The following AUTS2 variants were observed in gnomAD, a reference collection of about 807,000 sequenced individuals.
AUTS2 encodes the protein autism susceptibility gene 2 protein.
Under a neutral mutation model 112.4 loss-of-function variants are expected in AUTS2, and 17 were observed. That is an observed-to-expected ratio of 0.15 (90% CI 0.10 to 0.23). AUTS2 has a LOEUF of 0.23. AUTS2 is among the 10% of genes least tolerant of loss of function. AUTS2 has a pLI of 1.00. For synonymous variants in AUTS2, 751 were observed against 702.7 expected, an observed-to-expected ratio of 1.07 and a Z score of -1.09; for missense variants, 1,510 against 1,701.6, an observed-to-expected ratio of 0.89 and a Z score of 1.98.
intron 2 of AUTS2, among the ~76,000 whole-genome samples, chr7:69,926,243 G>A (rs767453428): frequency 3.9e-5 from 6 of 152,182 alleles, no homozygotes; most frequent in Non-Finnish European, 7.3e-5. Flanking sequence ...TCTATCAAGA[G>A]AGGTATATTG....
chr7:69,740,044 G>A (rs1296926010), intron 1 of AUTS2, among the ~76,000 whole-genome samples: 1 of 152,194 alleles, frequency 6.6e-6, no homozygotes, highest in African/African-American at 2.4e-5. Flanking sequence ...AATGACGTAG[G>A]AACACAATCA....
intron 1 of AUTS2, among the ~76,000 whole-genome samples, chr7:69,691,278 G>C (rs1250895503): frequency 6.6e-6 from 1 of 152,148 alleles, no homozygotes; most frequent in Non-Finnish European, 1.5e-5. Context: ...TCCCTGGCTT[G>C]AAGTTGGGGT....
chr7:70,342,275 AACT>A (rs1158306865), intron 4 of AUTS2, among the ~76,000 whole-genome samples: 1 of 151,904 alleles, frequency 6.6e-6, no homozygotes, highest in East Asian at 1.9e-4. Flanking sequence ...GTTCATTTTT[AACT>A]GGAAAGGAAA....
In AUTS2 at chr7:70,429,542, C is replaced by T. The variant is rs548397560; in HGVS notation, c.661-6210C>T. Among the ~76,000 whole-genome samples, 6 of 152,284 alleles carry T rather than the reference C, an allele frequency of 3.9e-5. No homozygotes were observed. In the South Asian group the frequency reaches 6.2e-4, roughly 16 times the overall value. ...GGTGGCATGACTGAGCGTGAGTGGGCGTGGTTGAAGCAAGGTATGTTAGGA... is the reference window on the plus strand; with the variant it reads ...GGTGGCATGACTGAGCGTGAGTGGGTGTGGTTGAAGCAAGGTATGTTAGGA... On this transcript the variant is annotated intron_variant, in intron 4 of 18. Coordinates refer to ENST00000342771, the MANE Select transcript of AUTS2 (RefSeq NM_015570.4).
chr7:70,170,772 T>G (rs977072229), intron 4 of AUTS2, among the ~76,000 whole-genome samples: 9 of 152,034 alleles, frequency 5.9e-5, no homozygotes, highest in Admixed American at 5.9e-4. Context: ...CACGCGTGGC[T>G]AATTTTTGTA....
intron 9 of AUTS2, among the ~76,000 whole-genome samples, chr7:70,767,010 G>A (rs1218427855): frequency 6.8e-6 from 1 of 147,634 alleles, no homozygotes; most frequent in African/African-American, 2.5e-5. Flanking sequence ...CAGAACCAGT[G>A]AGGAATTTTT....
chr7:70,512,250 G>C (rs1457064438), intron 5 of AUTS2, among the ~76,000 whole-genome samples: 1 of 152,208 alleles, frequency 6.6e-6, no homozygotes, highest in Non-Finnish European at 1.5e-5. Flanking sequence ...ATATCCATGT[G>C]ATATTAGCCA....
At chr7:70,746,480 A>C (rs1788461897) in intron 6 of AUTS2, among the ~76,000 whole-genome samples, 1 of 152,236 alleles carries the variant, frequency 6.6e-6, no homozygotes, top group Non-Finnish European at 1.5e-5. Context: ...AAATATGAAC[A>C]TATTTAATCT....
chr7:70,373,031 A>G (rs1792912321), intron 4 of AUTS2, among the ~76,000 whole-genome samples: 1 of 151,998 alleles, frequency 6.6e-6, no homozygotes. Context: ...TTACATTTTA[A>G]TTGGCTTGTA....
chr7:70,173,636 C>G (rs1808827466), intron 4 of AUTS2, among the ~76,000 whole-genome samples: 1 of 152,100 alleles, frequency 6.6e-6, no homozygotes, highest in African/African-American at 2.4e-5. Flanking sequence ...TTGTGTAAAC[C>G]TTACATCAAG....
intron 1 of AUTS2, among the ~76,000 whole-genome samples, chr7:69,873,348 G>A (rs1485822343): frequency 2.6e-5 from 4 of 151,450 alleles, no homozygotes; most frequent in Admixed American, 6.6e-5. Flanking sequence ...GCCCTTATTG[G>A]TATGGTTAAG....
At chr7:70,290,677 C>A in intron 4 of AUTS2, 1 of 1,339,396 alleles carries the variant, frequency 7.5e-7, no homozygotes, top group East Asian at 3.2e-5. Flanking sequence ...CATTCCTCAT[C>A]CCAATTCAGG....
chr7:69,655,781 G>A lies in AUTS2; in HGVS notation c.309+55819G>A, dbSNP rs571416837. ...TGGGGGAGTGTCTCAGGGGAGGGCC[G>A]TGCCTTCCTGGGGACCTGTTTAGGA... On this transcript the variant is annotated intron_variant, in intron 1 of 18. Transcript: ENST00000342771. Among the ~76,000 whole-genome samples the A allele has an allele frequency of 4.6e-4, 70 of 152,236 alleles. 2 individuals are homozygous for A. Among genetic ancestry groups the A allele is most frequent in the African/African-American group, 7.2e-5 (3 of 41,538 alleles).
intron 1 of AUTS2, among the ~76,000 whole-genome samples, chr7:69,643,632 G>A (rs189192850): frequency 2.0e-5 from 3 of 152,028 alleles, no homozygotes; most frequent in African/African-American, 2.4e-5. Context: ...TCTTCTGCCC[G>A]CCAACCCCCC....
At chr7:70,162,219 G>A (rs1292858271) in intron 4 of AUTS2, among the ~76,000 whole-genome samples, 2 of 151,616 alleles carry the variant, frequency 1.3e-5, no homozygotes, top group African/African-American at 4.8e-5. Context: ...GGCCGAGGCG[G>A]GCGGATCACG....
intron 4 of AUTS2, among the ~76,000 whole-genome samples, chr7:70,144,305 A>G (rs958906446): frequency 4.6e-5 from 7 of 152,266 alleles, no homozygotes; most frequent in Middle Eastern, 3.4e-3. Flanking sequence ...GAGACAACAA[A>G]TTTAGTTCTC....
chr7:70,036,518 T>G (rs1214421886), intron 2 of AUTS2, among the ~76,000 whole-genome samples: 1 of 152,268 alleles, frequency 6.6e-6, no homozygotes, highest in Non-Finnish European at 1.5e-5. Flanking sequence ...CTTGGTTTCC[T>G]AGTTTCCCAC....
At chr7:69,928,807 C>T (rs1026635513) in intron 2 of AUTS2, among the ~76,000 whole-genome samples, 27 of 152,074 alleles carry the variant, frequency 1.8e-4, no homozygotes, top group Non-Finnish European at 5.9e-5. Flanking sequence ...GGTTCCTGTC[C>T]CGCCAACTCT....
rs184462468 is a variant in AUTS2, at chr7:70,125,527, A to G, written c.624+7294A>G. ...GGTATTTTCTCTCACAGATGTGCTG[A>G]CTAGTCATCAGGTAGAAACTAGAGG... On this transcript the variant is annotated intron_variant, in intron 3 of 18. Transcript: ENST00000342771. Among the ~76,000 whole-genome samples the G allele has an allele frequency of 2.0e-5, 3 of 152,166 alleles. No homozygotes were observed. The East Asian group carries it at 5.8e-4, about 29-fold the overall frequency.
Sources: gnomAD v4.1 joint callset for allele counts (sites outside exome capture counted in the v4.1 genomes callset) on GRCh38, gnomAD v4.1.1 for gene constraint, MANE v1.5 for transcripts, NCBI Gene and HGNC (gene_info 2026-07-23, HGNC 2026-07-21) for gene names.